Variants in EPHA10 observed in about 807,000 individuals in gnomAD.
EPHA10 encodes the protein ephrin type-A receptor 10.
In EPHA10, 120 loss-of-function variants were observed where a neutral mutation model predicts 109.7. That is an observed-to-expected ratio of 1.09 (90% confidence interval 0.94 to 1.27). The LOEUF (loss-of-function observed/expected upper bound fraction) is 1.27. EPHA10 is among the 50% of genes most tolerant of loss of function. The pLI, the probability that EPHA10 is intolerant of heterozygous loss-of-function variation, is 0.00. For missense variants in EPHA10, 1,396 were observed against 1,411.1 expected (o/e 0.99, Z 0.17); for synonymous variants, 640 against 618.9 (o/e 1.03, Z -0.51).
chr1:37,720,681 G>A, intron 12 of EPHA10, 102 bp downstream of exon 12: 1 of 1,550,768 alleles, frequency 6.4e-7, no homozygotes, highest in Non-Finnish European at 8.8e-7. Flanking sequence ...AGCCCGGCCA[G>A]TGGGGATGAT....
At chr1:37,749,491 G>A (rs538981034) in intron 5 of EPHA10, among the ~76,000 whole-genome samples, 1 of 151,826 alleles carries the variant, frequency 6.6e-6, no homozygotes, top group African/African-American at 2.4e-5. Flanking sequence ...TGGCCAACAT[G>A]GCGAAACCCT....
intron 11 of EPHA10, among the ~76,000 whole-genome samples, chr1:37,721,069 G>C (rs1645786273): frequency 6.6e-6 from 1 of 152,016 alleles, no homozygotes; most frequent in Non-Finnish European, 1.5e-5. Flanking sequence ...CAACAAGCTT[G>C]CTAAGAAAGA....
At chr1:37,750,061 G>T (rs1301329797) in intron 5 of EPHA10, among the ~76,000 whole-genome samples, 1 of 152,170 alleles carries the variant, frequency 6.6e-6, no homozygotes, top group Non-Finnish European at 1.5e-5. Context: ...TAGGTAGATA[G>T]TTACAAATAT....
At chr1:37,735,627 C>T (rs1646058634) in intron 5 of EPHA10, among the ~76,000 whole-genome samples, 1 of 151,994 alleles carries the variant, frequency 6.6e-6, no homozygotes, top group Non-Finnish European at 1.5e-5. Flanking sequence ...TCTTCATTGT[C>T]CCATAGAGGG....
intron 5 of EPHA10, among the ~76,000 whole-genome samples, chr1:37,736,476 CAAAAAAAAAAAA>C (rs543417433): frequency 3.5e-5 from 2 of 57,842 alleles, no homozygotes; most frequent in East Asian, 7.9e-4. Flanking sequence ...AATTCTGTCT[CAAAAAAAAAAAA>C]AAAAAAAAAA....
At chr1:37,722,710 A>T in intron 10 of EPHA10, 1 of 425,670 alleles carries the variant, frequency 2.3e-6, no homozygotes. Flanking sequence ...ACTAGAACTC[A>T]GTTATGTCTG....
chr1:37,753,306 G>T (rs1366734120), intron 4 of EPHA10, 80 bp from the exon 5 acceptor site: 2 of 890,342 alleles, frequency 2.2e-6, no homozygotes. Flanking sequence ...GGGGGGGGCG[G>T]GGTCTTGTCC....
chr1:37,725,168 G>A (rs1236277987), intron 8 of EPHA10, among the ~76,000 whole-genome samples: 1 of 152,136 alleles, frequency 6.6e-6, no homozygotes, highest in Non-Finnish European at 1.5e-5. Context: ...ACAGCAAGCT[G>A]CAAAGACAGG....
downstream of EPHA10, chr1:37,714,589 C>T (rs1349521405): frequency 2.6e-5 from 4 of 152,244 alleles, no homozygotes; most frequent in Non-Finnish European, 5.9e-5. Flanking sequence ...GAAGTCCTAA[C>T]TCCCAGTAAC....
chr1:37,715,260 C>T (rs1433637455), downstream of EPHA10, among the ~76,000 whole-genome samples: 1 of 152,046 alleles, frequency 6.6e-6, no homozygotes, highest in East Asian at 1.9e-4. Flanking sequence ...AAACTCCTGG[C>T]CTCAAGTGAT....
At position 37,718,099 on chromosome 1, in the gene EPHA10, C is replaced by T. The variant is rs1304491979; in HGVS notation, c.*273G>A. ...TCCCTGCCCCAGCTTTTCTCTGAGACCCCGAATTTCCTCCTGCTGTTATCT... is the reference window on the plus strand; with the variant it reads ...TCCCTGCCCCAGCTTTTCTCTGAGATCCCGAATTTCCTCCTGCTGTTATCT... On this transcript the variant is annotated 3_prime_UTR_variant, in exon 17 of 17. Transcript: ENST00000373048. 5 of 456,118 alleles carry T rather than the reference C, an allele frequency of 1.1e-5. No individual in the cohort carries two copies. Among genetic ancestry groups the T allele is most frequent in the Non-Finnish European group, 3.9e-6 (1 of 258,694 alleles). The allele number at this position is 456,118 out of a possible 1,614,324, so 28.3% of individuals were successfully genotyped here.
chr1:37,715,617 C>T (rs1477847629), downstream of EPHA10, among the ~76,000 whole-genome samples: 2 of 152,180 alleles, frequency 1.3e-5, no homozygotes, highest in African/African-American at 4.8e-5. Flanking sequence ...GCATCTCAAA[C>T]ACATATCCAA....
In EPHA10 at chr1:37,720,808, T is replaced by C. The variant is rs1276015245; in HGVS notation, c.2183A>G (p.His728Arg). Residue 728 changes from histidine to arginine, a missense_variant, in exon 12 of 17, where the codon CAT (histidine) becomes CGT (arginine). By Grantham distance (29) the His-to-Arg change is conservative. Coordinates refer to ENST00000373048, the MANE Select transcript of EPHA10 (RefSeq NM_001099439.2). ...TLMIVTEYMS[H>R]GALDGFLRRH... ...CCTGAGGAAGCCGTCCAGGGCCCCA[T>C]GGCTCATGTACTCGGTGACAATCAT... The C allele has an allele frequency of 6.2e-7, 1 of 1,614,086 alleles. No individual in the cohort carries two copies. The highest frequency in any genetic ancestry group is 8.5e-7 in the Non-Finnish European group (1 of 1,180,002).
At chr1:37,722,762 G>A (rs1645819792) in intron 10 of EPHA10, 1 of 556,734 alleles carries the variant, frequency 1.8e-6, no homozygotes, top group South Asian at 1.6e-5. Context: ...GCCCCATGAA[G>A]GCCTGGGACT....
chr1:37,740,075 C>CA (rs1018146254), intron 5 of EPHA10, among the ~76,000 whole-genome samples: 3 of 151,034 alleles, frequency 2.0e-5, no homozygotes, highest in African/African-American at 4.9e-5. Flanking sequence ...GACCCAGTCT[C>CA]AAAAAAAATA....
rs1425081059 is a variant in EPHA10, at chr1:37,718,693, C to T, written c.2880G>A (p.Gly960=). 1 of 1,613,216 alleles carries T rather than the reference C, an allele frequency of 6.2e-7. No individual in the cohort carries two copies. The highest frequency in any genetic ancestry group is 1.7e-5 in the Admixed American group (1 of 60,032). The change falls in exon 16 of 17, where the codon GGG becomes GGA. Residue 960 remains glycine (G), a synonymous_variant. Transcript: ENST00000373048. ...YKDSFAAAGY[G]SLEAVAEMTA... Reference sequence around the variant, plus strand: ...TCATCTCGGCCACGGCCTCCAGGCTCCCATAGCCAGCAGCCGCGAAGCTGT... The same window carrying T: ...TCATCTCGGCCACGGCCTCCAGGCTTCCATAGCCAGCAGCCGCGAAGCTGT...
chr1:37,720,400 C>T lies in EPHA10; in HGVS notation c.2363G>A (p.Gly788Asp). The T allele has an allele frequency of 1.9e-6, 3 of 1,613,196 alleles. No homozygotes were observed. Among genetic ancestry groups the T allele is most frequent in the Non-Finnish European group, 2.5e-6 (3 of 1,179,962 alleles). Reference sequence around the variant, plus strand: ...TCGGTCCCGGGGGCCCCGCCCGAAGCCAGAGATCTTGCAGACAAGGTCGCT... The same window carrying T: ...TCGGTCCCGGGGGCCCCGCCCGAAGTCAGAGATCTTGCAGACAAGGTCGCT... Reference protein sequence around the residue: ...VSSDLVCKISGFGRGPRDRSE... With the variant: ...VSSDLVCKISDFGRGPRDRSE... Residue 788 changes from glycine to aspartate, a missense_variant, in exon 13 of 17, where the codon GGC becomes GAC. Gly to Asp is a moderately conservative substitution (Grantham distance 94). Transcript: ENST00000373048.
intron 5 of EPHA10, among the ~76,000 whole-genome samples, chr1:37,748,797 C>A (rs1646278023): frequency 6.6e-6 from 1 of 151,866 alleles, no homozygotes; most frequent in Admixed American, 6.6e-5. Context: ...ACATCCATTT[C>A]TGATTTTTAG....
In EPHA10 at chr1:37,753,191, G is replaced by A. The variant is rs956488876; in HGVS notation, c.1042C>T (p.Leu348=). The change falls in exon 5 of 17, where the codon CTG becomes TTG. Residue 348 remains leucine, a synonymous_variant. Coordinates refer to ENST00000373048, the MANE Select transcript of EPHA10 (RefSeq NM_001099439.2). ...PSAPRDLQYS[L]SRSPLVLRLR... is the part of the protein sequence containing the mutation. The stretch of plus-strand genomic sequence containing the variant: ...CGCAGCACCAGCGGCGAGCGGCTCA[G>A]GCTGTACTGCAGGTCCCGCGGCGCC... The A allele has an allele frequency of 2.0e-5, 28 of 1,387,278 alleles. No homozygotes were observed. In the Admixed American group the frequency reaches 2.5e-4, roughly 13 times the overall value. 85.9% of individuals were successfully genotyped at this position (1,387,278 alleles called of 1,614,324 possible). A position where few individuals can be genotyped will look rare whatever the true frequency, so the allele number is the denominator to read the frequency against.
Sources: allele counts gnomAD v4.1 joint callset (sites outside exome capture counted in the v4.1 genomes callset), GRCh38; gene constraint gnomAD v4.1.1; transcripts MANE v1.5; gene names NCBI Gene and HGNC (gene_info 2026-07-23, HGNC 2026-07-21).